The following TBPL2 variants were observed in gnomAD, a reference collection of about 807,000 sequenced individuals.
TBPL2 encodes the protein TATA box-binding protein-like 2.
A neutral mutation model predicts 38.2 loss-of-function variants in TBPL2; 40 were observed. The observed-to-expected ratio is 1.05, with a 90% CI of 0.81 to 1.36. The LOEUF is 1.36. Among genes scored for constraint, TBPL2 ranks in the 40% most tolerant of loss-of-function variants. TBPL2 has a pLI of 0.00. For missense variants in TBPL2, 461 were observed against 456.7 expected, an observed-to-expected ratio of 1.01 and a Z score of -0.09; for synonymous variants, 169 against 171.7, an observed-to-expected ratio of 0.98 and a Z score of 0.12.
At position 55,437,307 on chromosome 14, in the gene TBPL2, G is replaced by A. The variant is rs558159208; in HGVS notation, c.151-289C>T. Among the ~76,000 whole-genome samples, 35 of 152,324 alleles carry A rather than the reference G, an allele frequency of 2.3e-4. 1 individual carries two copies. Among genetic ancestry groups the A allele is most frequent in the East Asian group, 3.9e-4 (2 of 5,178 alleles). ...AGCCTGGCCAATGTGGTGAAACCAC[G>A]TCTCTACTAAAAATGCAAAAATTAG... On this transcript the variant is annotated intron_variant, in intron 1 of 6. Coordinates refer to ENST00000247219, the Ensembl canonical transcript of TBPL2.
intron 6 of TBPL2, among the ~76,000 whole-genome samples, chr14:55,421,060 C>CAAAAAAAAAAA (rs71131263): frequency 9.3e-6 from 1 of 107,584 alleles, no homozygotes; most frequent in Non-Finnish European, 1.8e-5. Context: ...GAATCTGTCT[C>CAAAAAAAAAAA]AAAAAAAAAA....
At chr14:55,425,741 A>T (rs1885811390) in intron 5 of TBPL2, among the ~76,000 whole-genome samples, 2 of 152,268 alleles carry the variant, frequency 1.3e-5, no homozygotes, top group Non-Finnish European at 2.9e-5. Context: ...CCCCAATTAC[A>T]TTAAAGACCC....
chr14:55,439,511 C>T, intron 1 of TBPL2, among the ~76,000 whole-genome samples: 1 of 150,914 alleles, frequency 6.6e-6, no homozygotes, highest in East Asian at 2.0e-4. Flanking sequence ...GGCGGGGGGC[C>T]AGGAGTGGTG....
intron 5 of TBPL2, among the ~76,000 whole-genome samples, chr14:55,428,282 G>A (rs1885864712): frequency 6.6e-6 from 1 of 151,580 alleles, no homozygotes; most frequent in African/African-American, 2.4e-5. Context: ...GGCGCCCGCT[G>A]CCACGCCCGG....
chr14:55,437,663 C>G (rs141055124), intron 1 of TBPL2, among the ~76,000 whole-genome samples: 132 of 152,296 alleles, frequency 8.7e-4, no homozygotes, highest in African/African-American at 3.0e-3. Context: ...TTGTTGTATA[C>G]TTTGAAGAGA....
intron 6 of TBPL2, among the ~76,000 whole-genome samples, 173 bp from the exon 7 acceptor site, chr14:55,414,628 C>T (rs1253744103): frequency 1.3e-5 from 2 of 152,148 alleles, no homozygotes; most frequent in Non-Finnish European, 2.9e-5. Context: ...AGCCATATTT[C>T]CACAAGACAG....
At chr14:55,432,442 A>AACAAAGAAAAC (rs1555344428) in intron 4 of TBPL2, among the ~76,000 whole-genome samples, 4 of 149,082 alleles carry the variant, frequency 2.7e-5, no homozygotes, top group African/African-American at 1.0e-4. Flanking sequence ...ATAAACAAAC[A>AACAAAGAAAAC]ACAAAAAAAA....
intron 4 of TBPL2, among the ~76,000 whole-genome samples, chr14:55,432,711 C>T (rs1331008835): frequency 6.6e-6 from 1 of 152,116 alleles, no homozygotes; most frequent in Non-Finnish European, 1.5e-5. Context: ...ATAAAATGAA[C>T]ACTTAGTACA....
intron 4 of TBPL2, among the ~76,000 whole-genome samples, chr14:55,432,245 C>CAAAAAA (rs71131268): frequency 8.2e-6 from 1 of 122,008 alleles, no homozygotes; most frequent in Non-Finnish European, 1.7e-5. Context: ...CCCGTCTCTA[C>CAAAAAA]AAAAAAAAAA....
At chr14:55,414,614 C>G (rs1885642299) in intron 6 of TBPL2, among the ~76,000 whole-genome samples, 159 bp from the exon 7 acceptor site, 1 of 152,144 alleles carries the variant, frequency 6.6e-6, no homozygotes, top group Non-Finnish European at 1.5e-5. Flanking sequence ...AATTTGGCAA[C>G]TACAGCCATA....
At chr14:55,422,807 C>T (rs142719681) in intron 6 of TBPL2, among the ~76,000 whole-genome samples, 2 of 151,980 alleles carry the variant, frequency 1.3e-5, no homozygotes, top group African/African-American at 4.8e-5. Flanking sequence ...GAGCTGAGAT[C>T]GCGCCGCCAT....
chr14:55,438,660 T>C (rs1886054662), intron 1 of TBPL2: 4 of 152,358 alleles, frequency 2.6e-5, no homozygotes, highest in African/African-American at 7.2e-5. Context: ...GGATGTTTTA[T>C]GGTAATGGAA....
intron 1 of TBPL2, among the ~76,000 whole-genome samples, chr14:55,439,197 C>T (rs1282473565): frequency 1.3e-5 from 2 of 150,728 alleles, no homozygotes; most frequent in East Asian, 2.0e-4. Flanking sequence ...CCTCGGCCTC[C>T]CAAAGTGCTG....
chr14:55,418,783 A>G (rs551546570), intron 6 of TBPL2, among the ~76,000 whole-genome samples: 1 of 152,352 alleles, frequency 6.6e-6, no homozygotes, highest in East Asian at 1.9e-4. Context: ...AGGGCAAGGC[A>G]TCACAGCAAA....
At chr14:55,440,353 C>T (rs767776439) in intron 1 of TBPL2, 43 bp downstream of exon 1, 2 of 1,609,792 alleles carry the variant, frequency 1.2e-6, no homozygotes, top group Admixed American at 1.7e-5. Context: ...CAGGACCGGG[C>T]GGGACTTGGG....
chr14:55,427,165 A>G (rs1382719120), intron 5 of TBPL2, among the ~76,000 whole-genome samples: 3 of 152,212 alleles, frequency 2.0e-5, no homozygotes, highest in African/African-American at 7.2e-5. Context: ...TTATGCCAAG[A>G]TTGAAGGAAG....
intron 6 of TBPL2, among the ~76,000 whole-genome samples, chr14:55,420,887 G>A (rs571962134): frequency 5.9e-5 from 9 of 151,860 alleles, no homozygotes; most frequent in African/African-American, 1.9e-4. Flanking sequence ...GTGAAACCCC[G>A]TCTCTACTAA....
intron 4 of TBPL2, 57 bp from the exon 5 acceptor site, chr14:55,429,031 T>A: frequency 6.3e-7 from 1 of 1,582,852 alleles, no homozygotes; most frequent in Non-Finnish European, 8.6e-7. Context: ...TCTCAACTAC[T>A]GGTGTTGTAT....
At chr14:55,431,383 A>G (rs1326774207) in intron 4 of TBPL2, among the ~76,000 whole-genome samples, 1 of 152,248 alleles carries the variant, frequency 6.6e-6, no homozygotes, top group Non-Finnish European at 1.5e-5. Flanking sequence ...TGAAAGTTGG[A>G]TAACAAACAC....
Sources: gnomAD v4.1 joint callset for allele counts (sites outside exome capture counted in the v4.1 genomes callset) on GRCh38, gnomAD v4.1.1 for gene constraint, MANE v1.5 for transcripts, NCBI Gene and HGNC (gene_info 2026-07-23, HGNC 2026-07-21) for gene names.